Variants in MAMDC2 observed in about 807,000 individuals in gnomAD.
The protein encoded by MAMDC2 is MAM domain-containing protein 2.
MAMDC2 carries 57 observed loss-of-function variants against 89.8 expected under a neutral mutation model. That is an observed-to-expected ratio of 0.63 (90% confidence interval 0.51 to 0.79). MAMDC2 has a LOEUF of 0.79. Among genes scored for constraint, MAMDC2 ranks in the 30% least tolerant of loss-of-function variants. MAMDC2 has a pLI of 0.00. For missense variants in MAMDC2, 800 were observed against 820.6 expected, an observed-to-expected ratio of 0.97 and a Z score of 0.31; for synonymous variants, 313 against 293.4, an observed-to-expected ratio of 1.07 and a Z score of -0.68.
chr9:70,202,704 G>T (rs1171264197), intron 11 of MAMDC2, among the ~76,000 whole-genome samples: 2 of 148,612 alleles, frequency 1.3e-5, no homozygotes, highest in African/African-American at 5.0e-5. Context: ...CTCTTTGTAG[G>T]TCACTCAGGA....
intron 2 of MAMDC2, among the ~76,000 whole-genome samples, chr9:70,100,022 G>GAGAGAGAGAGCACA (rs1463949610): frequency 7.0e-6 from 1 of 143,456 alleles, no homozygotes; most frequent in Non-Finnish European, 1.5e-5. Context: ...GAGAGAGAGA[G>GAGAGAGAGAGCACA]AGCACAAGCA....
At chr9:70,164,311 T>A (rs921301518) in intron 9 of MAMDC2, among the ~76,000 whole-genome samples, 5 of 152,200 alleles carry the variant, frequency 3.3e-5, no homozygotes, top group Admixed American at 2.6e-4. Context: ...ATACTATGTA[T>A]TTTTAGTATA....
intron 11 of MAMDC2, among the ~76,000 whole-genome samples, chr9:70,211,551 CTTCT>C (rs1265354907): frequency 3.3e-5 from 5 of 152,128 alleles, no homozygotes; most frequent in Admixed American, 2.0e-4. Context: ...AGGTTTTTAG[CTTCT>C]TTGTGATGGG....
intron 2 of MAMDC2, among the ~76,000 whole-genome samples, chr9:70,046,280 G>A (rs746258265): frequency 2.6e-5 from 4 of 152,152 alleles, no homozygotes; most frequent in Non-Finnish European, 5.9e-5. Context: ...GAGAACTGCC[G>A]ACTTCCACAG....
chr9:70,159,824 A>G lies in MAMDC2; in HGVS notation c.1405-8878A>G, dbSNP rs147212147. On this transcript the variant is annotated intron_variant, in intron 9 of 13. Transcript: ENST00000377182. Reference sequence around the variant, plus strand: ...CAGTGTTTGACCAGGAGAACTCCCTATGGGAGGTGGGCCAGAGAGAAACCA... The same window carrying G: ...CAGTGTTTGACCAGGAGAACTCCCTGTGGGAGGTGGGCCAGAGAGAAACCA... Among the ~76,000 whole-genome samples the G allele has an allele frequency of 3.3e-3, 496 of 152,320 alleles. 1 individual carries two copies. The highest frequency in any genetic ancestry group is 0.011 in the African/African-American group (471 of 41,580).
intron 2 of MAMDC2, among the ~76,000 whole-genome samples, chr9:70,070,779 T>A (rs148543719): frequency 1.9e-3 from 295 of 152,322 alleles, no homozygotes; most frequent in African/African-American, 6.9e-3. Flanking sequence ...TCTTATCCCA[T>A]TTCTTATTTG....
intron 2 of MAMDC2, among the ~76,000 whole-genome samples, chr9:70,078,055 C>T (rs1459185578): frequency 8.1e-6 from 1 of 124,144 alleles, no homozygotes; most frequent in African/African-American, 3.8e-5. Context: ...AAGTCAATTC[C>T]ACCATTCCTA....
At chr9:70,152,906 A>G (rs1327821311) in intron 9 of MAMDC2, among the ~76,000 whole-genome samples, 1 of 152,224 alleles carries the variant, frequency 6.6e-6, no homozygotes. Context: ...GTACCCACAC[A>G]TATCATTTAT....
intron 11 of MAMDC2, among the ~76,000 whole-genome samples, chr9:70,194,941 G>A (rs2032948833): frequency 6.6e-6 from 1 of 151,948 alleles, no homozygotes; most frequent in African/African-American, 2.4e-5. Context: ...AATTCAAGTG[G>A]TAAGTACATG....
chr9:70,222,165 C>T (rs754062742), intron 12 of MAMDC2, among the ~76,000 whole-genome samples: 20 of 152,206 alleles, frequency 1.3e-4, no homozygotes, highest in Middle Eastern at 3.4e-3. Flanking sequence ...ACCAAGATGA[C>T]TCCAAAGCTT....
intron 2 of MAMDC2, among the ~76,000 whole-genome samples, chr9:70,099,772 C>T (rs1828116750): frequency 6.6e-6 from 1 of 151,976 alleles, no homozygotes; most frequent in Non-Finnish European, 1.5e-5. Flanking sequence ...GTCAGTAGTT[C>T]GAGACCAGCC....
chr9:70,043,851 C>G lies in MAMDC2; in HGVS notation c.-347C>G, dbSNP rs1459829740. The G allele has an allele frequency of 8.6e-6, 3 of 349,358 alleles. No individual in the cohort carries two copies. Among genetic ancestry groups the G allele is most frequent in the Non-Finnish European group, 1.0e-5 (2 of 191,206 alleles). The allele number at this position is 349,358 out of a possible 1,614,324, so 21.6% of individuals were successfully genotyped here. The stretch of plus-strand genomic sequence containing the variant: ...CTGAGCGAAGGCACTGCGGGCCGAC[C>G]TCTCCTCTCCCAGCCAGTCGTGGCT... On this transcript the variant is annotated 5_prime_UTR_variant, in exon 1 of 14. Coordinates refer to ENST00000377182, the MANE Select transcript of MAMDC2 (RefSeq NM_153267.5).
rs28851550 is a variant in MAMDC2 at position 70,209,060 on chromosome 9, G to C, written c.1652-9277G>C. Among the ~76,000 whole-genome samples the C allele has an allele frequency of 9.8e-3, 1,497 of 152,228 alleles. 32 individuals carry two copies. Among genetic ancestry groups the C allele is most frequent in the African/African-American group, 0.033 (1,391 of 41,530 alleles). On this transcript the variant is annotated intron_variant, in intron 11 of 13. Transcript: ENST00000377182. ...GTATTTTATTGAGGATTTTTGCGTC[G>C]ATGTTCATCAGGGATATTGGTCTAA...
intron 2 of MAMDC2, among the ~76,000 whole-genome samples, chr9:70,102,150 T>C (rs1052151766): frequency 1.3e-5 from 2 of 152,226 alleles, no homozygotes; most frequent in Admixed American, 6.5e-5. Context: ...TCTAAGTACA[T>C]TGATTTTCCA....
intron 4 of MAMDC2, among the ~76,000 whole-genome samples, chr9:70,112,258 A>G (rs1230772893): frequency 6.6e-6 from 1 of 152,204 alleles, no homozygotes; most frequent in African/African-American, 2.4e-5. Context: ...TTAAGGAACA[A>G]TTGTTGATGG....
intron 9 of MAMDC2, among the ~76,000 whole-genome samples, chr9:70,159,441 T>C (rs962319922): frequency 7.3e-6 from 1 of 136,316 alleles, no homozygotes; most frequent in African/African-American, 2.7e-5. Flanking sequence ...CTTCACTTCA[T>C]GGATCTACAC....
chr9:70,056,790 C>T (rs1032110343), intron 2 of MAMDC2, among the ~76,000 whole-genome samples: 2 of 152,168 alleles, frequency 1.3e-5, no homozygotes, highest in African/African-American at 2.4e-5. Flanking sequence ...CTCCCCATCA[C>T]TTGCATTACC....
At chr9:70,108,730 C>T (rs969091270) in intron 3 of MAMDC2, among the ~76,000 whole-genome samples, 6 of 152,176 alleles carry the variant, frequency 3.9e-5, no homozygotes, top group Admixed American at 1.3e-4. Context: ...CTAAATGGGG[C>T]TTAAATCAAC....
chr9:70,154,053 A>C (rs539220390), intron 9 of MAMDC2: 2 of 152,362 alleles, frequency 1.3e-5, no homozygotes, highest in South Asian at 4.1e-4. Flanking sequence ...CAATTTTCTC[A>C]AAGCAATTAA....
Sources: allele counts gnomAD v4.1 joint callset (sites outside exome capture counted in the v4.1 genomes callset), GRCh38; gene constraint gnomAD v4.1.1; transcripts MANE v1.5; gene names NCBI Gene and HGNC (gene_info 2026-07-23, HGNC 2026-07-21).